SHROOM3: variants seen among roughly 807,000 people sequenced by gnomAD.
SHROOM3 encodes the protein protein Shroom3.
Under a neutral mutation model 138.6 loss-of-function variants are expected in SHROOM3, and 47 were observed. The ratio of observed to expected loss-of-function variants is 0.34; its 90% CI spans 0.27 to 0.43. The LOEUF (loss-of-function observed/expected upper bound fraction) is 0.43. SHROOM3 is among the 20% of genes least tolerant of loss of function. The pLI, the probability that SHROOM3 is intolerant of heterozygous loss-of-function variation, is 1.00. For synonymous variants in SHROOM3, 1,062 were observed against 1,063.3 expected (o/e 1.00, Z 0.02); for missense variants, 2,491 against 2,596.5 (o/e 0.96, Z 0.88).
chr4:76,695,801 G>A (rs186947645), intron 2 of SHROOM3, among the ~76,000 whole-genome samples: 78 of 152,288 alleles, frequency 5.1e-4, no homozygotes, highest in African/African-American at 1.8e-3. Flanking sequence ...ATTGCAGTGT[G>A]GAGTTAACTA....
Position 76,740,014 on chromosome 4 carries a change from G to A in SHROOM3, c.1841G>A (p.Gly614Asp). The A allele has an allele frequency of 6.2e-7, 1 of 1,613,960 alleles. No individual in the cohort carries two copies. Among genetic ancestry groups the A allele is most frequent in the Non-Finnish European group, 8.5e-7 (1 of 1,180,048 alleles). Residue 614 changes from glycine to aspartate, a missense_variant, in exon 5 of 11, where the codon GGT becomes GAT. By Grantham distance (94) the Gly-to-Asp change is moderately conservative. This residue lies in a region of SHROOM3 where 1,733 missense variants were observed against 1,661.6 expected (regional missense o/e 1.04). Coordinates refer to ENST00000296043, the MANE Select transcript of SHROOM3 (RefSeq NM_020859.4). The surrounding 1 kb of genome is among the most constrained non-coding windows in gnomAD (Gnocchi z 4.0). The stretch of plus-strand genomic sequence containing the variant: ...CCTCAGGCTCAGGCCTGGCAAGCGG[G>A]TGAAGACAAGAGATCTTCCAGGCTC... ...KCPQAQAWQA[G>D]EDKRSSRLSE...
Position 76,435,946 on chromosome 4 carries a change from G to A in SHROOM3, c.-107G>A. Reference sequence around the variant, plus strand: ...ATTTGCTTCTCCAAACCTCTCTTTTGGCCATTGTGTGTCCTGAAGGATGGG... The same window carrying A: ...ATTTGCTTCTCCAAACCTCTCTTTTAGCCATTGTGTGTCCTGAAGGATGGG... On this transcript the variant is annotated 5_prime_UTR_variant, in exon 1 of 11. Coordinates refer to ENST00000296043, the MANE Select transcript of SHROOM3 (RefSeq NM_020859.4). 1 of 1,171,282 alleles carries A rather than the reference G, an allele frequency of 8.5e-7. No individual in the cohort carries two copies. The highest frequency in any genetic ancestry group is 1.2e-6 in the Non-Finnish European group (1 of 824,716). 72.6% of individuals were successfully genotyped at this position (1,171,282 alleles called of 1,614,324 possible).
chr4:76,732,879 G>T (rs1241833781), intron 4 of SHROOM3, among the ~76,000 whole-genome samples: 1 of 152,148 alleles, frequency 6.6e-6, no homozygotes, highest in Non-Finnish European at 1.5e-5. Context: ...TTGTTGTGAG[G>T]ATTATATAAA....
chr4:76,478,709 A>T (rs544579381), intron 1 of SHROOM3, among the ~76,000 whole-genome samples: 1 of 152,168 alleles, frequency 6.6e-6, no homozygotes, highest in Non-Finnish European at 1.5e-5. Context: ...AGGGGATGAC[A>T]GACACCTCAT....
chr4:76,766,147 G>A (rs985905472), intron 9 of SHROOM3, among the ~76,000 whole-genome samples: 8 of 152,176 alleles, frequency 5.3e-5, no homozygotes, highest in Admixed American at 2.6e-4. Context: ...ATCGGTAAAC[G>A]GGGATAATAA....
At chr4:76,669,084 C>A (rs925389241) in intron 2 of SHROOM3, among the ~76,000 whole-genome samples, 2 of 152,206 alleles carry the variant, frequency 1.3e-5, no homozygotes, top group African/African-American at 4.8e-5. Context: ...TGCCCCCTTT[C>A]TCCTTTAGTG....
chr4:76,768,655 C>T (rs966480736), intron 9 of SHROOM3, among the ~76,000 whole-genome samples: 2 of 152,086 alleles, frequency 1.3e-5, no homozygotes, highest in Admixed American at 6.6e-5. Flanking sequence ...GGATTACAGA[C>T]GCCCACCATC....
chr4:76,463,142 A>G (rs1731175613), intron 1 of SHROOM3, among the ~76,000 whole-genome samples: 1 of 152,198 alleles, frequency 6.6e-6, no homozygotes, highest in East Asian at 1.9e-4. Flanking sequence ...GCTGATAGTG[A>G]TATGTGATAT....
intron 1 of SHROOM3, among the ~76,000 whole-genome samples, chr4:76,515,974 T>C (rs1053975858): frequency 2.6e-5 from 4 of 152,172 alleles, no homozygotes; most frequent in African/African-American, 9.7e-5. Context: ...GGGCCTGGCA[T>C]GGGAAATGAT....
At chr4:76,451,326 G>A (rs949859538) in intron 1 of SHROOM3, among the ~76,000 whole-genome samples, 3 of 152,112 alleles carry the variant, frequency 2.0e-5, no homozygotes, top group Admixed American at 1.3e-4. Context: ...ATGTCACAGA[G>A]TCCTAATTAT....
chr4:76,540,469 T>G (rs554121426), intron 1 of SHROOM3, among the ~76,000 whole-genome samples: 1 of 152,304 alleles, frequency 6.6e-6, no homozygotes, highest in East Asian at 1.9e-4. Flanking sequence ...AGGGGAAGCT[T>G]TGGAAAACTT....
chr4:76,500,181 T>TC (rs1732060912), intron 1 of SHROOM3, among the ~76,000 whole-genome samples: 1 of 152,138 alleles, frequency 6.6e-6, no homozygotes, highest in Non-Finnish European at 1.5e-5. Context: ...CCTCCTCTTC[T>TC]CCCTGCTGCT....
chr4:76,707,909 T>C (rs1720105337), intron 2 of SHROOM3, among the ~76,000 whole-genome samples: 1 of 152,144 alleles, frequency 6.6e-6, no homozygotes, highest in Non-Finnish European at 1.5e-5. Context: ...TCCAGCCTGA[T>C]TTCTAGTTTG....
intron 2 of SHROOM3, among the ~76,000 whole-genome samples, chr4:76,581,981 G>A (rs1276163000): frequency 6.6e-6 from 1 of 152,294 alleles, no homozygotes; most frequent in East Asian, 1.9e-4. Context: ...CAGGACACCT[G>A]TTCTACCTGA....
chr4:76,771,009 T>C, intron 10 of SHROOM3, 111 bp downstream of exon 10: 2 of 1,392,326 alleles, frequency 1.4e-6, no homozygotes, highest in South Asian at 1.2e-5. Context: ...GCAATCTCTT[T>C]GGGGCAGGGA....
rs1560531527 is a variant in SHROOM3, at chr4:76,518,575, T to TGCCTGCCTGCCTGCCTGCC, written c.169-37034_169-37033insGCCTGCCTGCCTGCCTGCC. Among the ~76,000 whole-genome samples, 1,005 of 117,496 alleles carry TGCCTGCCTGCCTGCCTGCC rather than the reference T, an allele frequency of 8.6e-3. 13 individuals are homozygous for TGCCTGCCTGCCTGCCTGCC. The highest frequency in any genetic ancestry group is 0.031 in the African/African-American group (964 of 31,148). The allele number at this position is 117,496 out of a possible 152,430, so 77.1% of individuals were successfully genotyped here. A position where few individuals can be genotyped will look rare whatever the true frequency, so the allele number is the denominator to read the frequency against. ...CCTTCCTTCCTTCCTTCTTGCCTGC[T>TGCCTGCCTGCCTGCCTGCC]TGCCTGCCTGCCTGCCTGCCTGTGT... On this transcript the variant is annotated intron_variant, in intron 1 of 10. Coordinates refer to ENST00000296043, the MANE Select transcript of SHROOM3 (RefSeq NM_020859.4).
intron 1 of SHROOM3, among the ~76,000 whole-genome samples, chr4:76,444,280 ATATATATG>A (rs776457115): frequency 8.0e-5 from 12 of 150,628 alleles, no homozygotes; most frequent in South Asian, 4.2e-4. Context: ...TTTCTATGTT[ATATATATG>A]TATATATGTA....
At chr4:76,453,086 G>A (rs988166424) in intron 1 of SHROOM3, among the ~76,000 whole-genome samples, 4 of 152,026 alleles carry the variant, frequency 2.6e-5, no homozygotes, top group African/African-American at 9.7e-5. Context: ...TCAATTCCAT[G>A]GGGTCTATAC....
At chr4:76,627,605 C>T (rs886359584) in intron 2 of SHROOM3, among the ~76,000 whole-genome samples, 1 of 151,616 alleles carries the variant, frequency 6.6e-6, no homozygotes, top group African/African-American at 2.4e-5. Context: ...AAATTATCCA[C>T]AAAGCCTATG....
Sources: gnomAD v4.1 joint callset for allele counts (sites outside exome capture counted in the v4.1 genomes callset) on GRCh38, gnomAD v4.1.1 for gene constraint, gnomAD v4.1.1 regional missense constraint, Gnocchi (gnomAD v3.1) non-coding constraint, MANE v1.5 for transcripts, NCBI Gene and HGNC (gene_info 2026-07-23, HGNC 2026-07-21) for gene names.